RABEP1: variants seen among roughly 807,000 people sequenced by gnomAD.
RABEP1 encodes the protein rabaptin, RAB GTPase binding effector protein 1.
RABEP1 carries 51 observed loss-of-function variants against 123.4 expected under a neutral mutation model. The ratio of observed to expected loss-of-function variants is 0.41; its 90% CI spans 0.33 to 0.52. RABEP1 has a LOEUF of 0.52. Ranked by LOEUF, RABEP1 falls within the 20% of genes least tolerant of loss-of-function variation. RABEP1 has a pLI of 0.16. For synonymous variants in RABEP1, 347 were observed against 355.2 expected (o/e 0.98, Z 0.26); for missense variants, 888 against 996.3 (o/e 0.89, Z 1.46).
At chr17:5,368,106 A>C (rs1279435364) in intron 11 of RABEP1, among the ~76,000 whole-genome samples, 3 of 151,936 alleles carry the variant, frequency 2.0e-5, no homozygotes, top group Non-Finnish European at 4.4e-5. Flanking sequence ...AGGTCACGTG[A>C]GTTACTGTCT....
At chr17:5,285,771 C>G (rs2074971817) in intron 1 of RABEP1, among the ~76,000 whole-genome samples, 1 of 152,158 alleles carries the variant, frequency 6.6e-6, no homozygotes, top group African/African-American at 2.4e-5. Flanking sequence ...AGTGGGGGAG[C>G]AGGATTCAAA....
chr17:5,346,301 A>G (rs1035585341), intron 5 of RABEP1, among the ~76,000 whole-genome samples: 184 of 152,190 alleles, frequency 1.2e-3, no homozygotes, highest in African/African-American at 4.4e-3. Context: ...TTTTACTTCC[A>G]TGAGTATATG....
At chr17:5,367,407 G>A (rs189697277) in intron 11 of RABEP1, among the ~76,000 whole-genome samples, 190 of 150,418 alleles carry the variant, frequency 1.3e-3, no homozygotes, top group African/African-American at 4.5e-3. Flanking sequence ...GAGTAGCTGG[G>A]ACTACAGGCA....
intron 17 of RABEP1, among the ~76,000 whole-genome samples, chr17:5,382,541 G>C (rs1911564273): frequency 6.6e-6 from 1 of 150,706 alleles, no homozygotes; most frequent in South Asian, 2.1e-4. Flanking sequence ...CTGAGGTCAG[G>C]AGTTTGAGAC....
At chr17:5,318,448 A>T (rs1274003889) in intron 2 of RABEP1, among the ~76,000 whole-genome samples, 1 of 152,174 alleles carries the variant, frequency 6.6e-6, no homozygotes, top group Non-Finnish European at 1.5e-5. Context: ...ACTAACGAGA[A>T]ATTACTGGTA....
chr17:5,350,770 A>C, intron 7 of RABEP1, 141 bp downstream of exon 7: 1 of 915,290 alleles, frequency 1.1e-6, no homozygotes, highest in Admixed American at 3.0e-5. Context: ...TTAAAAACAT[A>C]ACAGCTACAT....
At position 5,384,938 on chromosome 17, in the gene RABEP1, A is replaced by ATTAAAATTAGTGCTGTAAAT. The variant is rs1334137744; in HGVS notation, c.*1716_*1735dup. Reference sequence around the variant, plus strand: ...CCCCAAGCGAATTTGTCTTCAGATTATTAAAATTAGTGCTGTAAATCAGGG... The same window carrying ATTAAAATTAGTGCTGTAAAT: ...CCCCAAGCGAATTTGTCTTCAGATTATTAAAATTAGTGCTGTAAATTTAAAATTAGTGCTGTAAATCAGGG... On this transcript the variant is annotated 3_prime_UTR_variant, in exon 18 of 18. Transcript: ENST00000537505. The ATTAAAATTAGTGCTGTAAAT allele has an allele frequency of 4.4e-6, 1 of 225,744 alleles. No homozygotes were observed. Among genetic ancestry groups the ATTAAAATTAGTGCTGTAAAT allele is most frequent in the Non-Finnish European group, 8.8e-6 (1 of 113,560 alleles). 14.0% of individuals were successfully genotyped at this position (225,744 alleles called of 1,614,324 possible).
intron 15 of RABEP1, among the ~76,000 whole-genome samples, chr17:5,379,947 A>G (rs1597302291): frequency 6.6e-6 from 1 of 152,058 alleles, no homozygotes; most frequent in African/African-American, 2.4e-5. Context: ...CTGTTGCTGC[A>G]TGTGTTTTTA....
At chr17:5,350,106 C>A (rs746420397) in intron 6 of RABEP1, among the ~76,000 whole-genome samples, 9 of 152,010 alleles carry the variant, frequency 5.9e-5, no homozygotes, top group Middle Eastern at 3.2e-3. Context: ...ATTGGCCGGG[C>A]GCGGTGGCTC....
chr17:5,380,654 G>A (rs1287181879), intron 16 of RABEP1, 192 bp downstream of exon 16: 7 of 607,248 alleles, frequency 1.2e-5, no homozygotes, highest in Non-Finnish European at 2.1e-5. Context: ...TTTTCTGCCA[G>A]GTCTGGAGGC....
chr17:5,370,361 G>A (rs1162534815), intron 12 of RABEP1, among the ~76,000 whole-genome samples: 1 of 152,200 alleles, frequency 6.6e-6, no homozygotes, highest in African/African-American at 2.4e-5. Context: ...CTACAGTACT[G>A]TTATTACATC....
chr17:5,308,727 A>T lies in RABEP1; in HGVS notation c.68A>T (p.Lys23Ile). 6.2e-7 allele frequency: 1 copy of T among 1,612,768 alleles called. No individual in the cohort carries two copies. The highest frequency in any genetic ancestry group is 1.7e-4 in the Middle Eastern group (1 of 6,054). The change falls in exon 2 of 18, where the codon AAA (lysine) becomes ATA (isoleucine). Residue 23 changes from lysine to isoleucine, a missense_variant. Physicochemically the swap from Lys to Ile is moderately radical, Grantham distance 102. Coordinates refer to ENST00000537505, the MANE Select transcript of RABEP1 (RefSeq NM_004703.6). ...SLQQRVAELE[K>I]INAEFLRAQQ... ...CAGCAACGGGTAGCAGAATTGGAAA[A>T]AATTAATGCAGAATTTTTACGTGCA... is the stretch of plus-strand genomic sequence containing the variant.
chr17:5,379,541 C>T (rs1911278316), intron 15 of RABEP1, among the ~76,000 whole-genome samples: 2 of 152,180 alleles, frequency 1.3e-5, no homozygotes, highest in South Asian at 4.1e-4. Context: ...TCCCAGGCAT[C>T]CCTCCACCTG....
rs150989683 is a variant in RABEP1 at position 5,366,314 on chromosome 17, C to G, written c.1785+1076C>G. ...GAGATTCCTGCTCAAGTCTTATCCTCATCTTTTTATTGGGTGGTCTGTTTA... is the reference window on the plus strand; with the variant it reads ...GAGATTCCTGCTCAAGTCTTATCCTGATCTTTTTATTGGGTGGTCTGTTTA... On this transcript the variant is annotated intron_variant, in intron 11 of 17. Transcript: ENST00000537505. 3.7e-4 allele frequency among the ~76,000 whole-genome samples: 56 copies of G among 152,234 alleles called. No individual in the cohort carries two copies. In the East Asian group the frequency reaches 8.9e-3, roughly 24 times the overall value.
chr17:5,327,889 A>G (rs755056620), intron 2 of RABEP1, among the ~76,000 whole-genome samples: 4 of 152,212 alleles, frequency 2.6e-5, no homozygotes, highest in Non-Finnish European at 5.9e-5. Context: ...GAAATATGAC[A>G]AAGATGACAT....
intron 14 of RABEP1, among the ~76,000 whole-genome samples, 163 bp from the exon 15 acceptor site, chr17:5,378,014 G>A (rs1911141744): frequency 6.6e-6 from 1 of 152,098 alleles, no homozygotes; most frequent in African/African-American, 2.4e-5. Context: ...TTTTCCCTGA[G>A]CCTAAATATG....
At chr17:5,357,629 C>T (rs1041323890) in intron 8 of RABEP1, among the ~76,000 whole-genome samples, 1 of 152,162 alleles carries the variant, frequency 6.6e-6, no homozygotes, top group African/African-American at 2.4e-5. Flanking sequence ...CCTCGGCCTC[C>T]CAAAGTGCTG....
intron 2 of RABEP1, among the ~76,000 whole-genome samples, chr17:5,313,633 A>G (rs1469471431): frequency 6.6e-6 from 1 of 152,186 alleles, no homozygotes; most frequent in Non-Finnish European, 1.5e-5. Context: ...GGTTCAGAAA[A>G]CATGCTTGGT....
intron 1 of RABEP1, among the ~76,000 whole-genome samples, chr17:5,303,528 C>T (rs2075154442): frequency 6.6e-6 from 1 of 152,160 alleles, no homozygotes; most frequent in South Asian, 2.1e-4. Flanking sequence ...AGGCATGAGC[C>T]ACTGTGCCTG....
Sources: allele counts gnomAD v4.1 joint callset (sites outside exome capture counted in the v4.1 genomes callset), GRCh38; gene constraint gnomAD v4.1.1; transcripts MANE v1.5; gene names NCBI Gene and HGNC (gene_info 2026-07-23, HGNC 2026-07-21).